Variants in ABLIM2 observed in about 807,000 individuals in gnomAD.
ABLIM2 encodes actin binding LIM protein family member 2.
A neutral mutation model predicts 97.7 loss-of-function variants in ABLIM2; 53 were observed. That is an observed-to-expected ratio of 0.54 (90% CI 0.44 to 0.68). The LOEUF (loss-of-function observed/expected upper bound fraction) is 0.68, where lower values mean the gene tolerates loss of function less well. Ranked by LOEUF, ABLIM2 falls within the 30% of genes least tolerant of loss-of-function variation. The pLI, the probability that ABLIM2 is intolerant of heterozygous loss-of-function variation, is 0.00. For missense variants in ABLIM2, 835 were observed against 867.2 expected (o/e 0.96, Z 0.47); for synonymous variants, 361 against 345.8 (o/e 1.04, Z -0.49).
chr4:8,058,997 A>G lies in ABLIM2; in HGVS notation c.763+1970T>C, dbSNP rs1282048905. On this transcript the variant is annotated intron_variant, in intron 7 of 20. Transcript: ENST00000447017. The surrounding 1 kb of genome is among the most constrained non-coding windows in gnomAD (Gnocchi z 4.2). ...ACCCTGCTCATTGGCTGCAACCCCCACTGTCTGCCATATTCAAAATCTCAC... is the reference window on the plus strand; with the variant it reads ...ACCCTGCTCATTGGCTGCAACCCCCGCTGTCTGCCATATTCAAAATCTCAC... 6.6e-6 allele frequency among the ~76,000 whole-genome samples: 1 copy of G among 151,866 alleles called. No homozygotes were observed. The highest frequency in any genetic ancestry group is 2.4e-5 in the African/African-American group (1 of 41,328).
chr4:8,049,664 T>G (rs1189882761), intron 8 of ABLIM2, among the ~76,000 whole-genome samples: 6 of 152,218 alleles, frequency 3.9e-5, no homozygotes, highest in Non-Finnish European at 8.8e-5. Context: ...GACAAAACCT[T>G]ACACTCCACA....
chr4:8,096,922 A>G (rs931426659), intron 3 of ABLIM2, among the ~76,000 whole-genome samples, 177 bp downstream of exon 3: 4 of 152,178 alleles, frequency 2.6e-5, no homozygotes, highest in Non-Finnish European at 2.9e-5. Flanking sequence ...CCCTGTGAGG[A>G]GGCCTCTGTA....
intron 1 of ABLIM2, among the ~76,000 whole-genome samples, chr4:8,138,075 T>C (rs986411830): frequency 2.0e-5 from 3 of 152,152 alleles, no homozygotes; most frequent in Non-Finnish European, 2.9e-5. Flanking sequence ...AGAGGGCAAA[T>C]AGTGCAGGAT....
At chr4:8,052,842 C>A (rs186804707) in intron 8 of ABLIM2, among the ~76,000 whole-genome samples, 1 of 152,370 alleles carries the variant, frequency 6.6e-6, no homozygotes, top group East Asian at 1.9e-4. Flanking sequence ...CTTGCCGCTA[C>A]AGGACATCAG....
chr4:8,032,223 C>T lies in ABLIM2; in HGVS notation c.1048-2447G>A, dbSNP rs974342376. Among the ~76,000 whole-genome samples, 1 of 151,662 alleles carries T rather than the reference C, an allele frequency of 6.6e-6. No individual in the cohort carries two copies. The highest frequency in any genetic ancestry group is 1.5e-5 in the Non-Finnish European group (1 of 67,968). ...CAGAAAAAAAAAAAAAAAACTAGAC[C>T]ACTAACAGTAAAAGCTCTTTTGTAG... On this transcript the variant is annotated intron_variant, in intron 10 of 20. Coordinates refer to ENST00000447017, the MANE Select transcript of ABLIM2 (RefSeq NM_001130083.2). This position sits in a 1 kb window ranked among gnomAD's most constrained non-coding sequence, Gnocchi z 4.3.
rs115070857 is a variant in ABLIM2, at chr4:8,150,605, G to A, written c.10+8075C>T. On this transcript the variant is annotated intron_variant, in intron 1 of 20. Transcript: ENST00000447017. The surrounding 1 kb of genome is among the most constrained non-coding windows in gnomAD (Gnocchi z 6.3). ...ACTTCCAGCACAGGGTGCGAGCTCC[G>A]TGCCGGAGGCGGGAGGAGCCACTGC... Among the ~76,000 whole-genome samples, 757 of 152,348 alleles carry A rather than the reference G, an allele frequency of 5.0e-3. 6 individuals carry two copies. The highest frequency in any genetic ancestry group is 0.017 in the African/African-American group (718 of 41,588).
intron 3 of ABLIM2, among the ~76,000 whole-genome samples, chr4:8,094,178 T>C (rs1001328816): frequency 3.3e-5 from 5 of 152,244 alleles, no homozygotes; most frequent in Non-Finnish European, 7.3e-5. Context: ...TGGTTTCTTT[T>C]TATATCTTCC....
chr4:8,082,229 G>A lies in ABLIM2; in HGVS notation c.455-1427C>T, dbSNP rs998835582. Among the ~76,000 whole-genome samples, 28 of 152,124 alleles carry A rather than the reference G, an allele frequency of 1.8e-4. No homozygotes were observed. The highest frequency in any genetic ancestry group is 6.8e-4 in the African/African-American group (28 of 41,412). ...CCTCTACCCAAGATGGAAAGAAGGT[G>A]GCCCCAGGGCCCGACGTGCTGGGTA... On this transcript the variant is annotated intron_variant, in intron 4 of 20. Transcript: ENST00000447017. The surrounding 1 kb of genome is among the most constrained non-coding windows in gnomAD (Gnocchi z 5.6).
chr4:8,121,112 G>T (rs1347471628), intron 1 of ABLIM2, among the ~76,000 whole-genome samples: 1 of 152,230 alleles, frequency 6.6e-6, no homozygotes, highest in Non-Finnish European at 1.5e-5. Context: ...GGACTGGCTG[G>T]CTCCCTGGTC....
intron 3 of ABLIM2, among the ~76,000 whole-genome samples, chr4:8,090,121 C>A (rs547742124): frequency 4.6e-5 from 7 of 152,320 alleles, no homozygotes; most frequent in East Asian, 1.9e-4. Context: ...AGGGCCCTCC[C>A]CTCCCATCCA....
intron 8 of ABLIM2, among the ~76,000 whole-genome samples, chr4:8,045,581 G>A (rs535344774): frequency 3.9e-5 from 6 of 152,218 alleles, no homozygotes; most frequent in South Asian, 2.1e-4. Context: ...CCTGGGAGGC[G>A]GTGCTCAGTG....
At chr4:8,138,310 A>G (rs1464273317) in intron 1 of ABLIM2, among the ~76,000 whole-genome samples, 2 of 152,196 alleles carry the variant, frequency 1.3e-5, no homozygotes, top group African/African-American at 4.8e-5. Flanking sequence ...AAAAATGGTT[A>G]AAATGGTAAA....
intron 12 of ABLIM2, chr4:8,020,537 G>C: frequency 1.6e-6 from 1 of 622,526 alleles, no homozygotes; most frequent in South Asian, 1.8e-5. Flanking sequence ...CAAGGCAGAG[G>C]AGCGACATTG....
intron 16 of ABLIM2, 177 bp downstream of exon 16, chr4:8,007,882 G>A (rs551366205): frequency 2.7e-5 from 38 of 1,405,912 alleles, no homozygotes; most frequent in South Asian, 6.9e-5. Context: ...TTGGGAAGCC[G>A]GCAAACTGCA....
Position 8,002,442 on chromosome 4 carries a change from C to T in ABLIM2, c.1618+5617G>A, listed in dbSNP as rs1578342675. Among the ~76,000 whole-genome samples the T allele has an allele frequency of 1.3e-5, 2 of 152,230 alleles. No homozygotes were observed. The highest frequency in any genetic ancestry group is 4.8e-5 in the African/African-American group (2 of 41,464). ...GCTTTTGTGGGAGCCCTTTTCCTCT[C>T]GCCCTGACTGGGCAGCCTCCAGTCC... On this transcript the variant is annotated intron_variant, in intron 16 of 20. Coordinates refer to ENST00000447017, the MANE Select transcript of ABLIM2 (RefSeq NM_001130083.2). The surrounding 1 kb of genome is among the most constrained non-coding windows in gnomAD (Gnocchi z 6.1).
Position 7,983,535 on chromosome 4 carries a change from G to T in ABLIM2, c.1743+12C>A. 1.9e-6 allele frequency: 3 copies of T among 1,613,090 alleles called. No homozygotes were observed. Among genetic ancestry groups the T allele is most frequent in the Non-Finnish European group, 2.5e-6 (3 of 1,179,658 alleles). On this transcript the variant is annotated intron_variant, in intron 19 of 20. Transcript: ENST00000447017. ...GCGGCACGGAGGTCAGTGTGGGAGC[G>T]GCCCCGCTTACCTTGTATTCTGTAA...
At chr4:8,094,488 G>A (rs975648778) in intron 3 of ABLIM2, among the ~76,000 whole-genome samples, 5 of 152,186 alleles carry the variant, frequency 3.3e-5, no homozygotes, top group African/African-American at 7.2e-5. Flanking sequence ...GTGATCGATC[G>A]AGCAAGCAGG....
At chr4:8,103,805 A>G (rs1835862060) in intron 2 of ABLIM2, among the ~76,000 whole-genome samples, 1 of 152,154 alleles carries the variant, frequency 6.6e-6, no homozygotes, top group South Asian at 2.1e-4. Flanking sequence ...GGGTCACAGG[A>G]GGTGATGAGC....
intron 2 of ABLIM2, among the ~76,000 whole-genome samples, chr4:8,104,732 C>T (rs1199256900): frequency 2.0e-5 from 3 of 152,190 alleles, no homozygotes; most frequent in Non-Finnish European, 2.9e-5. Flanking sequence ...CTCCAAGTGC[C>T]GCGCTGTGGC....
Sources: allele counts gnomAD v4.1 joint callset (sites outside exome capture counted in the v4.1 genomes callset), GRCh38; gene constraint gnomAD v4.1.1; non-coding constraint Gnocchi (gnomAD v3.1); transcripts MANE v1.5; gene names NCBI Gene and HGNC (gene_info 2026-07-23, HGNC 2026-07-21).